The following PALS2 variants were observed in gnomAD, a reference collection of about 807,000 sequenced individuals.
PALS2 encodes protein PALS2.
In PALS2, 27 loss-of-function variants were observed where a neutral mutation model predicts 61.6. That is an observed-to-expected ratio of 0.44 (90% CI 0.32 to 0.60). The LOEUF is 0.60. PALS2 is among the 20% of genes least tolerant of loss of function. The pLI, the probability that PALS2 is intolerant of heterozygous loss-of-function variation, is 0.05. For missense variants in PALS2, 554 were observed against 639.4 expected (o/e 0.87, Z 1.44); for synonymous variants, 236 against 218.6 (o/e 1.08, Z -0.70).
rs1233838123 is a variant in PALS2, at chr7:24,632,330, A to G, written c.117+8546A>G. Among the ~76,000 whole-genome samples, 3 of 152,154 alleles carry G rather than the reference A, an allele frequency of 2.0e-5. No homozygotes were observed. In the East Asian group the frequency reaches 5.8e-4, roughly 29 times the overall value. Reference sequence around the variant, plus strand: ...ATACCTTTAGTTTTAATCTCTCTATATCTTTGTATTTAAAGTAAGTTTCTG... The same window carrying G: ...ATACCTTTAGTTTTAATCTCTCTATGTCTTTGTATTTAAAGTAAGTTTCTG... On this transcript the variant is annotated intron_variant, in intron 2 of 11. Transcript: ENST00000222644.
intron 3 of PALS2, among the ~76,000 whole-genome samples, chr7:24,645,792 T>C (rs149340776): frequency 0.015 from 2,325 of 152,306 alleles, 70 homozygotes; most frequent in African/African-American, 0.053. Flanking sequence ...TCTGATTTCT[T>C]TGAGCAGTGT....
intron 11 of PALS2, among the ~76,000 whole-genome samples, chr7:24,683,199 A>T (rs1165035149): frequency 1.3e-5 from 2 of 152,194 alleles, no homozygotes; most frequent in East Asian, 3.8e-4. Context: ...CATTCCTTCT[A>T]CATTTATAAA....
In PALS2 at chr7:24,633,146, CT is replaced by C. The variant is rs540660593; in HGVS notation, c.118-8562del. 3.0e-3 allele frequency among the ~76,000 whole-genome samples: 453 copies of C among 151,632 alleles called. 2 individuals are homozygous for C. The highest frequency in any genetic ancestry group is 9.4e-3 in the African/African-American group (387 of 41,362). On this transcript the variant is annotated intron_variant, in intron 2 of 11. Coordinates refer to ENST00000222644, the MANE Select transcript of PALS2 (RefSeq NM_001303037.2). ...AGAAAAATAAAAGATTTTATTTTAC[CT>C]TTTTTTTCTCTAGCACTCGTCTTTA... is the stretch of plus-strand genomic sequence containing the variant.
At chr7:24,631,052 A>G (rs1784978589) in intron 2 of PALS2, among the ~76,000 whole-genome samples, 1 of 152,238 alleles carries the variant, frequency 6.6e-6, no homozygotes, top group South Asian at 2.1e-4. Context: ...TTAGTTAAAT[A>G]CATTTCATAG....
At chr7:24,662,317 G>A (rs1048041670) in intron 5 of PALS2, among the ~76,000 whole-genome samples, 2 of 152,010 alleles carry the variant, frequency 1.3e-5, no homozygotes, top group Non-Finnish European at 2.9e-5. Context: ...GAATTTTGTT[G>A]GTTACAGAAG....
chr7:24,599,959 G>C (rs79823352), intron 1 of PALS2, among the ~76,000 whole-genome samples: 2,626 of 152,094 alleles, frequency 0.017, 85 homozygotes, highest in African/African-American at 0.06. Context: ...AGTCTTCAGG[G>C]GGCAGTAACA....
intron 10 of PALS2, among the ~76,000 whole-genome samples, chr7:24,679,840 T>C (rs1357611421): frequency 1.3e-5 from 2 of 152,202 alleles, no homozygotes; most frequent in Non-Finnish European, 2.9e-5. Flanking sequence ...TATGTCTCTT[T>C]CTAGTCATTT....
intron 5 of PALS2, among the ~76,000 whole-genome samples, chr7:24,662,417 A>G (rs1252279528): frequency 6.6e-6 from 1 of 152,206 alleles, no homozygotes. Flanking sequence ...TGCTAAGGCA[A>G]TTCTTTAGAA....
chr7:24,659,395 TC>T (rs1786600045), intron 5 of PALS2, among the ~76,000 whole-genome samples: 1 of 152,202 alleles, frequency 6.6e-6, no homozygotes, highest in Non-Finnish European at 1.5e-5. Context: ...AAATGATAGT[TC>T]CGTTTTAAGT....
At chr7:24,605,120 C>G (rs916029818) in intron 1 of PALS2, among the ~76,000 whole-genome samples, 3 of 152,034 alleles carry the variant, frequency 2.0e-5, no homozygotes, top group African/African-American at 7.2e-5. Context: ...CTCTTCATGC[C>G]AATATTATCA....
intron 1 of PALS2, among the ~76,000 whole-genome samples, chr7:24,585,419 T>C (rs1412839351): frequency 6.6e-6 from 1 of 152,184 alleles, no homozygotes; most frequent in Non-Finnish European, 1.5e-5. Flanking sequence ...TCAGATCCTT[T>C]CTTATGTTCA....
chr7:24,672,296 C>T (rs1338430308), intron 9 of PALS2, among the ~76,000 whole-genome samples: 5 of 151,712 alleles, frequency 3.3e-5, no homozygotes, highest in East Asian at 3.9e-4. Context: ...GGCATGATCT[C>T]GGCTCACTGC....
chr7:24,687,567 A>G lies in PALS2; in HGVS notation c.1576A>G (p.Lys526Glu). The change falls in exon 12 of 12, where the codon AAA (lysine) becomes GAA (glutamate). Residue 526 changes from lysine to glutamate, a missense_variant. Coordinates refer to ENST00000222644, the MANE Select transcript of PALS2 (RefSeq NM_001303037.2). This position sits in a 1 kb window ranked among gnomAD's most constrained non-coding sequence, Gnocchi z 4.5. Reference protein sequence around the residue: ...AFEKLQTAIEKLRMEPQWVPI... With the variant: ...AFEKLQTAIEELRMEPQWVPI... ...TGAAAAACTGCAAACTGCCATAGAG[A>G]AACTGAGAATGGAACCACAGTGGGT... 1 of 1,612,188 alleles carries G rather than the reference A, an allele frequency of 6.2e-7. No individual in the cohort carries two copies. The highest frequency in any genetic ancestry group is 2.2e-5 in the East Asian group (1 of 44,736).
intron 2 of PALS2, among the ~76,000 whole-genome samples, chr7:24,624,703 T>C (rs1404314666): frequency 6.7e-6 from 1 of 149,120 alleles, no homozygotes; most frequent in Non-Finnish European, 1.5e-5. Flanking sequence ...GCCTGCTGGG[T>C]TCAAGTGATT....
chr7:24,645,812 C>G (rs1785803843), intron 3 of PALS2, among the ~76,000 whole-genome samples: 1 of 152,000 alleles, frequency 6.6e-6, no homozygotes, highest in Non-Finnish European at 1.5e-5. Context: ...TTTTGTAATT[C>G]TCATTGTAGA....
rs756049044 is a variant in PALS2, at chr7:24,596,816, T to C, written c.-3+23223T>C. Among the ~76,000 whole-genome samples, 10 of 152,226 alleles carry C rather than the reference T, an allele frequency of 6.6e-5. No homozygotes were observed. Among genetic ancestry groups the C allele is most frequent in the Non-Finnish European group, 1.2e-4 (8 of 68,014 alleles). Reference sequence around the variant, plus strand: ...AAGCATGGACTGTGGTGGGGAGAGATTGGGGATTAGTATACCAGTTAAGAG... The same window carrying C: ...AAGCATGGACTGTGGTGGGGAGAGACTGGGGATTAGTATACCAGTTAAGAG... On this transcript the variant is annotated intron_variant, in intron 1 of 11. Coordinates refer to ENST00000222644, the MANE Select transcript of PALS2 (RefSeq NM_001303037.2). The surrounding 1 kb of genome is among the most constrained non-coding windows in gnomAD (Gnocchi z 4.5).
At chr7:24,662,874 AAAGCAAAT>A (rs1432207776) in intron 5 of PALS2, among the ~76,000 whole-genome samples, 3 of 152,172 alleles carry the variant, frequency 2.0e-5, no homozygotes, top group Non-Finnish European at 4.4e-5. Flanking sequence ...AATTTAAATT[AAAGCAAAT>A]AAGCAAAATA....
In PALS2 at chr7:24,693,227, T is replaced by C. The variant is rs1236968137; in HGVS notation, c.*5613T>C. On this transcript the variant is annotated 3_prime_UTR_variant, in exon 12 of 12. Transcript: ENST00000222644. ...TTTGAATCTTATGAAATAGGTGGTG[T>C]TGCTACCACAGAAGCCAAAAAGGTC... The C allele has an allele frequency of 6.6e-6, 1 of 152,168 alleles. No individual in the cohort carries two copies. Among genetic ancestry groups the C allele is most frequent in the East Asian group, 1.9e-4 (1 of 5,202 alleles). The allele number at this position is 152,168 out of a possible 1,614,324, so 9.4% of individuals were successfully genotyped here.
intron 1 of PALS2, among the ~76,000 whole-genome samples, chr7:24,602,918 C>T (rs1378867555): frequency 6.6e-6 from 1 of 152,054 alleles, no homozygotes; most frequent in African/African-American, 2.4e-5. Flanking sequence ...TGGTATTTTC[C>T]CTGCTGCCAC....
Sources: gnomAD v4.1 joint callset for allele counts (sites outside exome capture counted in the v4.1 genomes callset) on GRCh38, gnomAD v4.1.1 for gene constraint, Gnocchi (gnomAD v3.1) non-coding constraint, MANE v1.5 for transcripts, NCBI Gene and HGNC (gene_info 2026-07-23, HGNC 2026-07-21) for gene names.